VPS53: variants seen among roughly 807,000 people sequenced by gnomAD.
VPS53 encodes the protein vacuolar protein sorting-associated protein 53 homolog.
VPS53 carries 70 observed loss-of-function variants against 107.0 expected under a neutral mutation model. The ratio of observed to expected loss-of-function variants is 0.65; its 90% CI spans 0.54 to 0.80. The LOEUF (loss-of-function observed/expected upper bound fraction) is 0.80, where lower values mean the gene tolerates loss of function less well. Among genes scored for constraint, VPS53 ranks in the 30% least tolerant of loss-of-function variants. The pLI is 0.00. For synonymous variants in VPS53, 409 were observed against 393.3 expected (o/e 1.04, Z -0.47); for missense variants, 917 against 1,049.4 (o/e 0.87, Z 1.74).
chr17:609,904 C>T (rs530981777), intron 11 of VPS53, among the ~76,000 whole-genome samples: 19 of 151,876 alleles, frequency 1.3e-4, no homozygotes, highest in African/African-American at 3.9e-4. Context: ...CCGAGGTGGG[C>T]GGATCACGAG....
At chr17:621,708 G>A (rs573791076) in intron 11 of VPS53, among the ~76,000 whole-genome samples, 13 of 152,072 alleles carry the variant, frequency 8.5e-5, no homozygotes, top group African/African-American at 1.4e-4. Context: ...CGGGTTACTC[G>A]TATTTTCCTT....
intron 13 of VPS53, among the ~76,000 whole-genome samples, chr17:576,919 C>A (rs1730487623): frequency 6.6e-6 from 1 of 151,458 alleles, no homozygotes; most frequent in Non-Finnish European, 1.5e-5. Context: ...TAATGCGTTC[C>A]CAGAAAACCT....
At chr17:525,073 T>G (rs764490) in intron 19 of VPS53, among the ~76,000 whole-genome samples, 5,023 of 152,336 alleles carry the variant, frequency 0.033, 135 homozygotes, top group Admixed American at 0.084. Context: ...AGCACATTCG[T>G]GCAATGGAAT....
chr17:653,824 T>C (rs1362112600), intron 6 of VPS53, among the ~76,000 whole-genome samples: 1 of 152,202 alleles, frequency 6.6e-6, no homozygotes, highest in Non-Finnish European at 1.5e-5. Context: ...GGGGTAGGGA[T>C]GTTACTATCT....
intron 11 of VPS53, among the ~76,000 whole-genome samples, chr17:619,338 A>T (rs1489303180): frequency 6.8e-6 from 1 of 146,358 alleles, no homozygotes; most frequent in Admixed American, 6.8e-5. Context: ...CGCCCCGCTA[A>T]TATTTCCCGG....
chr17:537,003 G>C (rs1910130040), intron 18 of VPS53, 25 bp downstream of exon 18: 1 of 1,613,120 alleles, frequency 6.2e-7, no homozygotes, highest in Non-Finnish European at 8.5e-7. Context: ...CAAGAACCCA[G>C]AGATGAGCAC....
At chr17:634,213 T>C (rs1305600644) in intron 7 of VPS53, among the ~76,000 whole-genome samples, 1 of 151,042 alleles carries the variant, frequency 6.6e-6, no homozygotes, top group Non-Finnish European at 1.5e-5. Flanking sequence ...GCCCAAACTA[T>C]TCCCTACTCT....
chr17:652,006 T>A (rs985359679), intron 7 of VPS53, among the ~76,000 whole-genome samples: 1 of 135,542 alleles, frequency 7.4e-6, no homozygotes, highest in Non-Finnish European at 1.6e-5. Flanking sequence ...GTTCACTGTA[T>A]TTTTTTTTTT....
chr17:660,105 G>A (rs16954278), intron 5 of VPS53, among the ~76,000 whole-genome samples: 15,047 of 152,186 alleles, frequency 0.099, 833 homozygotes, highest in East Asian at 0.21. Context: ...CACGGGCTGC[G>A]AAAACGGGTA....
At position 628,225 on chromosome 17, in the gene VPS53, CT is replaced by C; in HGVS notation, c.693del (p.Gly232GlufsTer17). On this transcript the variant is annotated frameshift_variant, in exon 9 of 22. Transcript: ENST00000437048. LOFTEE classifies it high-confidence loss of function. Reference sequence around the variant, plus strand: ...TCTCGTAGAACATTGCTGGGTCCTCCTGGTCTCTAGTAAAACAAACATGTAC... The same window carrying C: ...TCTCGTAGAACATTGCTGGGTCCTCCGGTCTCTAGTAAAACAAACATGTAC... ...EAFPSQGTKR[P>X]GGPSNVLRDA... 6.2e-7 allele frequency: 1 copy of C among 1,613,646 alleles called. No individual in the cohort carries two copies. The highest frequency in any genetic ancestry group is 8.5e-7 in the Non-Finnish European group (1 of 1,179,906).
At chr17:699,437 T>C in intron 2 of VPS53, 57 bp from the exon 3 acceptor site, 2 of 1,431,740 alleles carry the variant, frequency 1.4e-6, no homozygotes, top group Non-Finnish European at 9.3e-7. Context: ...AATTCCTCTT[T>C]CACAGGAAAA....
intron 4 of VPS53, among the ~76,000 whole-genome samples, chr17:684,014 G>C (rs1597484208): frequency 6.6e-6 from 1 of 152,224 alleles, no homozygotes; most frequent in Non-Finnish European, 1.5e-5. Flanking sequence ...TCAGAAGCCT[G>C]CTATGAAAAG....
At chr17:701,443 T>A (rs536977945) in intron 2 of VPS53, among the ~76,000 whole-genome samples, 1 of 151,966 alleles carries the variant, frequency 6.6e-6, no homozygotes, top group Non-Finnish European at 1.5e-5. Flanking sequence ...AATGGCGCGA[T>A]CTCGGCTCAC....
chr17:682,743 G>A (rs184685463), intron 4 of VPS53, among the ~76,000 whole-genome samples: 5 of 151,280 alleles, frequency 3.3e-5, no homozygotes, highest in South Asian at 2.1e-4. Context: ...ACATATATAC[G>A]CCAAAAAAGA....
Position 562,500 on chromosome 17 carries a change from C to T in VPS53, c.1556+3G>A, listed in dbSNP as rs77612078. The T allele has an allele frequency of 2.2e-3, 3,559 of 1,613,998 alleles. 120 individuals carry two copies. In the East Asian group the frequency reaches 0.069, roughly 31 times the overall value. ...CACTCAGACTATGAAGAACAGGACT[C>T]ACTTGGGCAGGTTGCCAGAGAGGAT... On this transcript the variant is annotated splice_donor_region_variant and intron_variant, in intron 14 of 21. Coordinates refer to ENST00000437048, the MANE Select transcript of VPS53 (RefSeq NM_001128159.3).
chr17:689,122 T>G (rs1400635348), intron 4 of VPS53, among the ~76,000 whole-genome samples: 1 of 152,140 alleles, frequency 6.6e-6, no homozygotes, highest in African/African-American at 2.4e-5. Context: ...ACCAATTACT[T>G]TCTTCAATTT....
chr17:694,061 C>T (rs182012508), intron 4 of VPS53, among the ~76,000 whole-genome samples: 1 of 152,136 alleles, frequency 6.6e-6, no homozygotes, highest in East Asian at 1.9e-4. Context: ...AAGGACAGGA[C>T]CCAAGAGCTC....
chr17:562,794 TA>T (rs780196367), intron 13 of VPS53, 49 bp from the exon 14 acceptor site: 1 of 1,581,402 alleles, frequency 6.3e-7, no homozygotes, highest in Non-Finnish European at 8.6e-7. Context: ...TCAAGAAAAG[TA>T]AAGCAAATGT....
chr17:537,116 G>A lies in VPS53; in HGVS notation c.1927C>T (p.Leu643=). ...ATGGGGACGTTCTGCTTGATGTGCA[G>A]AATGACAGAGGTGACGTAGGGGCTC... ...DQSPYVTSVI[L]HIKQNVPIIR... Residue 643 remains leucine, a synonymous_variant, in exon 18 of 22, where the codon CTG becomes TTG. Transcript: ENST00000437048. 6.2e-7 allele frequency: 1 copy of A among 1,614,198 alleles called. No homozygotes were observed.
Sources: allele counts gnomAD v4.1 joint callset (sites outside exome capture counted in the v4.1 genomes callset), GRCh38; gene constraint gnomAD v4.1.1; transcripts MANE v1.5; gene names NCBI Gene and HGNC (gene_info 2026-07-23, HGNC 2026-07-21).